Variants in ZDHHC8 observed in about 807,000 individuals in gnomAD.
The protein encoded by ZDHHC8 is zDHHC palmitoyltransferase 8.
A neutral mutation model predicts 61.2 loss-of-function variants in ZDHHC8; 24 were observed. The ratio of observed to expected loss-of-function variants is 0.39; its 90% CI spans 0.28 to 0.55. The LOEUF (loss-of-function observed/expected upper bound fraction) is 0.55. ZDHHC8 is among the 20% of genes least tolerant of loss of function. The probability of loss-of-function intolerance (pLI) is 0.60; values close to 1 mark genes in which losing one functional copy is unlikely to be tolerated. For synonymous variants in ZDHHC8, 523 were observed against 492.5 expected (o/e 1.06, Z -0.82); for missense variants, 935 against 1,102.1 (o/e 0.85, Z 2.15).
chr22:20,145,476 T>G lies in ZDHHC8; in HGVS notation c.*76T>G. 7.5e-7 allele frequency: 1 copy of G among 1,331,494 alleles called. No individual in the cohort carries two copies. The highest frequency in any genetic ancestry group is 9.6e-7 in the Non-Finnish European group (1 of 1,039,030). 82.5% of individuals were successfully genotyped at this position (1,331,494 alleles called of 1,614,324 possible). A position where few individuals can be genotyped will look rare whatever the true frequency, so the allele number is the denominator to read the frequency against. ...AGCGCACCCCCCCTCCCCACCAACT[T>G]CTCTGCCCCAGGGACCCGAGGCCAC... On this transcript the variant is annotated 3_prime_UTR_variant, in exon 11 of 11. Coordinates refer to ENST00000334554, the MANE Select transcript of ZDHHC8 (RefSeq NM_013373.4).
At position 20,143,432 on chromosome 22, in the gene ZDHHC8, C is replaced by T. The variant is rs148154857; in HGVS notation, c.1802C>T (p.Ala601Val). 677 of 1,599,626 alleles carry T rather than the reference C, an allele frequency of 4.2e-4. 2 individuals are homozygous for T. In the African/African-American group the frequency reaches 6.4e-3, roughly 15 times the overall value. ...CTGTCCGAGGGCCCCCGAGGTCCCG[C>T]GCTGCGCTATGGCTCCAGAGACGAC... ...SVLSEGPRGPALRYGSRDDLV... is the reference protein window; with the variant it reads ...SVLSEGPRGPVLRYGSRDDLV... The change falls in exon 10 of 11, where the codon GCG becomes GTG. Residue 601 changes from alanine to valine, a missense_variant. Ala to Val is a moderately conservative substitution (Grantham distance 64). This residue lies in a region of ZDHHC8 where 692 missense variants were observed against 731.4 expected (regional missense o/e 0.95). Coordinates refer to ENST00000334554, the MANE Select transcript of ZDHHC8 (RefSeq NM_013373.4).
intron 1 of ZDHHC8, among the ~76,000 whole-genome samples, chr22:20,132,554 C>T (rs1296186496): frequency 6.6e-6 from 1 of 152,260 alleles, no homozygotes; most frequent in East Asian, 1.9e-4. Flanking sequence ...GCCCCACAGC[C>T]ACTGGTGACC....
At chr22:20,141,113 C>A in intron 7 of ZDHHC8, 101 bp downstream of exon 7, 7 of 1,588,682 alleles carry the variant, frequency 4.4e-6, no homozygotes, top group Non-Finnish European at 6.0e-6. Flanking sequence ...GCAGACAGAG[C>A]CGTAGACAGA....
chr22:20,143,994 G>A (rs1054815204), intron 10 of ZDHHC8, among the ~76,000 whole-genome samples: 5 of 152,202 alleles, frequency 3.3e-5, no homozygotes, highest in African/African-American at 1.2e-4. Flanking sequence ...TGTGTCCTGA[G>A]CCCGACGACT....
chr22:20,141,336 T>C lies in ZDHHC8; in HGVS notation c.1014T>C (p.Ala338=), dbSNP rs748598018. The stretch of plus-strand genomic sequence containing the variant: ...TGCAGACCCCGCGCCCAGGCAGTGC[T>C]GGTGAGGTTGGGGCAGCCACGACTA... ...SDLQTPRPGS[A]ESALSVQRTS... is the part of the protein sequence containing the mutation. The change falls in exon 8 of 11, where the codon GCT becomes GCC. Residue 338 remains alanine (A), a splice_region_variant and synonymous_variant. Transcript: ENST00000334554. 10 of 1,612,168 alleles carry C rather than the reference T, an allele frequency of 6.2e-6. No homozygotes were observed. The Admixed American group carries it at 1.0e-4, about 16-fold the overall frequency.
At chr22:20,133,778 A>G (rs1280756508) in intron 1 of ZDHHC8, among the ~76,000 whole-genome samples, 1 of 152,030 alleles carries the variant, frequency 6.6e-6, no homozygotes, top group East Asian at 1.9e-4. Flanking sequence ...ATACAGAAAA[A>G]AAAAATGCTA....
At chr22:20,145,182 T>C (rs2050509894) in intron 10 of ZDHHC8, 47 bp from the exon 11 acceptor site, 3 of 1,376,394 alleles carry the variant, frequency 2.2e-6, no homozygotes, top group Non-Finnish European at 2.9e-6. Flanking sequence ...GTCCCCGTGT[T>C]CGTGTGTTCA....
At chr22:20,145,129 C>T in intron 10 of ZDHHC8, 100 bp from the exon 11 acceptor site, 18 of 1,145,306 alleles carry the variant, frequency 1.6e-5, no homozygotes, top group Non-Finnish European at 2.1e-5. Context: ...CTGCACTAGT[C>T]CACGTCCGCG....
intron 1 of ZDHHC8, among the ~76,000 whole-genome samples, chr22:20,135,829 G>A (rs1204674258): frequency 1.3e-5 from 2 of 152,268 alleles, no homozygotes; most frequent in East Asian, 3.8e-4. Context: ...GGGCGCAGCA[G>A]CTTCTGCCCC....
chr22:20,145,462 C>T lies in ZDHHC8; in HGVS notation c.*62C>T, dbSNP rs924576734. 7 of 1,350,998 alleles carry T rather than the reference C, an allele frequency of 5.2e-6. No homozygotes were observed. The highest frequency in any genetic ancestry group is 7.4e-5 in the Admixed American group (2 of 26,876). 83.7% of individuals were successfully genotyped at this position (1,350,998 alleles called of 1,614,324 possible). A position where few individuals can be genotyped will look rare whatever the true frequency, so the allele number is the denominator to read the frequency against. ...GACCAGGACCCCACAGCGCACCCCCCCTCCCCACCAACTTCTCTGCCCCAG... is the reference window on the plus strand; with the variant it reads ...GACCAGGACCCCACAGCGCACCCCCTCTCCCCACCAACTTCTCTGCCCCAG... On this transcript the variant is annotated 3_prime_UTR_variant, in exon 11 of 11. Transcript: ENST00000334554.
intron 1 of ZDHHC8, among the ~76,000 whole-genome samples, chr22:20,138,340 G>A (rs2050438840): frequency 6.6e-6 from 1 of 152,256 alleles, no homozygotes; most frequent in Non-Finnish European, 1.5e-5. Flanking sequence ...GAGGCCAGAG[G>A]GGCTTCTTGG....
intron 1 of ZDHHC8, 121 bp downstream of exon 1, chr22:20,132,172 C>G: frequency 2.1e-6 from 1 of 477,482 alleles, no homozygotes; most frequent in Non-Finnish European, 2.9e-6. Flanking sequence ...GGCGGGGCGC[C>G]GGCTGCAGGC....
intron 1 of ZDHHC8, among the ~76,000 whole-genome samples, chr22:20,135,543 C>G (rs572403541): frequency 6.6e-6 from 1 of 152,222 alleles, no homozygotes; most frequent in Admixed American, 6.5e-5. Context: ...TGAGCCCTCT[C>G]CTTGCCTGGA....
chr22:20,132,530 G>A (rs538875761), intron 1 of ZDHHC8, among the ~76,000 whole-genome samples: 2 of 152,332 alleles, frequency 1.3e-5, no homozygotes, highest in Admixed American at 6.5e-5. Flanking sequence ...GCCTGGCCTC[G>A]TTGCCACGTG....
At chr22:20,138,492 A>G (rs2148005127) in intron 1 of ZDHHC8, among the ~76,000 whole-genome samples, 1 of 152,304 alleles carries the variant, frequency 6.6e-6, no homozygotes, top group South Asian at 2.1e-4. Flanking sequence ...CACACCTTAT[A>G]GGGAAGCTGC....
intron 1 of ZDHHC8, among the ~76,000 whole-genome samples, chr22:20,133,127 A>C (rs990033909): frequency 2.6e-5 from 4 of 152,222 alleles, no homozygotes; most frequent in Non-Finnish European, 5.9e-5. Context: ...AGTTACCTGC[A>C]GGCTGGGGCT....
Position 20,140,725 on chromosome 22 carries a change from G to A in ZDHHC8, c.752+17G>A. 1 of 1,606,188 alleles carries A rather than the reference G, an allele frequency of 6.2e-7. No individual in the cohort carries two copies. Among genetic ancestry groups the A allele is most frequent in the Non-Finnish European group, 8.5e-7 (1 of 1,177,400 alleles). On this transcript the variant is annotated intron_variant, in intron 6 of 10. Coordinates refer to ENST00000334554, the MANE Select transcript of ZDHHC8 (RefSeq NM_013373.4). ...GGCGCCCCGGTGAGGCCCGGCCTGG[G>A]CAGGGTGGAGGGGGGCCTCTGCTGG...
chr22:20,146,525 C>G lies in ZDHHC8; in HGVS notation c.*1125C>G. The G allele has an allele frequency of 1.0e-5, 10 of 989,434 alleles. No individual in the cohort carries two copies. Among genetic ancestry groups the G allele is most frequent in the Non-Finnish European group, 1.1e-5 (9 of 832,912 alleles). 61.3% of individuals were successfully genotyped at this position (989,434 alleles called of 1,614,324 possible). ...TCCCGAGTTAGGGGAGGGCAGGGGCCGGGCCCCAGAAGAGGGAGTGGCTGC... is the reference window on the plus strand; with the variant it reads ...TCCCGAGTTAGGGGAGGGCAGGGGCGGGGCCCCAGAAGAGGGAGTGGCTGC... On this transcript the variant is annotated 3_prime_UTR_variant, in exon 11 of 11. Coordinates refer to ENST00000334554, the MANE Select transcript of ZDHHC8 (RefSeq NM_013373.4).
chr22:20,145,347 C>A lies in ZDHHC8; in HGVS notation c.2245C>A (p.Leu749Met). The A allele has an allele frequency of 1.9e-6, 3 of 1,590,720 alleles. No individual in the cohort carries two copies. Among genetic ancestry groups the A allele is most frequent in the Non-Finnish European group, 2.6e-6 (3 of 1,170,090 alleles). ...GPSASPTRHT[L>M]VKKVSGVGGT... ...CTCTGCCAGCCCTACACGGCACACG[C>A]TGGTTAAGAAGGTGTCCGGCGTGGG... Residue 749 changes from leucine to methionine, a missense_variant, in exon 11 of 11, where the codon CTG (leucine) becomes ATG (methionine). Leu to Met is a conservative substitution (Grantham distance 15). Around this residue, in one of 3 missense-constraint regions of ZDHHC8, gnomAD observed 692 missense variants for 731.4 expected, o/e 0.95. Coordinates refer to ENST00000334554, the MANE Select transcript of ZDHHC8 (RefSeq NM_013373.4).
Sources: gnomAD v4.1 joint callset for allele counts (sites outside exome capture counted in the v4.1 genomes callset) on GRCh38, gnomAD v4.1.1 for gene constraint, gnomAD v4.1.1 regional missense constraint, MANE v1.5 for transcripts, NCBI Gene and HGNC (gene_info 2026-07-23, HGNC 2026-07-21) for gene names.